GDF7: variants seen among roughly 807,000 people sequenced by gnomAD.
The protein encoded by GDF7 is growth/differentiation factor 7.
Under a neutral mutation model 13.4 loss-of-function variants are expected in GDF7, and 12 were observed. The observed-to-expected ratio is 0.90, with a 90% confidence interval of 0.57 to 1.45. The LOEUF is 1.45. Ranked by LOEUF, GDF7 falls within the 40% of genes most tolerant of loss-of-function variation. The pLI is 0.00. For synonymous variants in GDF7, 330 were observed against 306.4 expected, an observed-to-expected ratio of 1.08 and a Z score of -0.80; for missense variants, 651 against 652.4, an observed-to-expected ratio of 1.00 and a Z score of 0.02.
Position 20,677,157 on chromosome 2 carries a change from T to A in GDF7, c.*5732T>A, listed in dbSNP as rs1399445514. The A allele has an allele frequency of 6.6e-6, 1 of 152,258 alleles. No homozygotes were observed. Among genetic ancestry groups the A allele is most frequent in the African/African-American group, 2.4e-5 (1 of 41,476 alleles). 9.4% of individuals were successfully genotyped at this position (152,258 alleles called of 1,614,324 possible). A position where few individuals can be genotyped will look rare whatever the true frequency, so the allele number is the denominator to read the frequency against. ...ACAGTTTCACTCTTTTTTTGTCAGA[T>A]GAACTTCCTTCTGCTAGTTTAGAAA... On this transcript the variant is annotated 3_prime_UTR_variant, in exon 2 of 2. Transcript: ENST00000272224.
In GDF7 at chr2:20,670,995, C is replaced by G. The variant is rs1437223570; in HGVS notation, c.923C>G (p.Ala308Gly). Residue 308 changes from alanine (A) to glycine (G), a missense_variant, in exon 2 of 2, where the codon GCG (alanine) becomes GGG (glycine). Around this residue, in one of 4 missense-constraint regions of GDF7, gnomAD observed 487 missense variants for 445.9 expected, o/e 1.09. Transcript: ENST00000272224. ...CTGCCCGACCCAGGAACCGGCACCG[C>G]GTCGCCAAGGGCAGTCATTGGCGGC... ...EPLPDPGTGT[A>G]SPRAVIGGRR... 6.4e-7 allele frequency: 1 copy of G among 1,551,156 alleles called. No individual in the cohort carries two copies. Among genetic ancestry groups the G allele is most frequent in the South Asian group, 1.2e-5 (1 of 84,546 alleles).
chr2:20,670,515 T>C lies in GDF7; in HGVS notation c.443T>C (p.Leu148Pro). ...AGCTTCCTGTTCGACGTGTCCAGCC[T>C]TAACGACGCAGACGAGGTGGTGGGT... The part of the protein sequence containing the change: ...GQSFLFDVSS[L>P]NDADEVVGAE... Residue 148 changes from leucine to proline, a missense_variant, in exon 2 of 2, where the codon CTT (leucine) becomes CCT (proline). Coordinates refer to ENST00000272224, the MANE Select transcript of GDF7 (RefSeq NM_182828.4). The C allele has an allele frequency of 1.3e-6, 2 of 1,596,416 alleles. No homozygotes were observed. The highest frequency in any genetic ancestry group is 1.7e-6 in the Non-Finnish European group (2 of 1,172,748).
rs1180016521 is a variant in GDF7 at position 20,673,503 on chromosome 2, G to A, written c.*2078G>A. On this transcript the variant is annotated 3_prime_UTR_variant, in exon 2 of 2. Transcript: ENST00000272224. ...TATATATTAAAAAAAGCACTGAAGTGTTGAAAGTTGTAGTATTAGAAGGTT... is the reference window on the plus strand; with the variant it reads ...TATATATTAAAAAAAGCACTGAAGTATTGAAAGTTGTAGTATTAGAAGGTT... 7.9e-5 allele frequency: 12 copies of A among 152,192 alleles called. No homozygotes were observed. In the East Asian group the frequency reaches 9.6e-4, roughly 12 times the overall value. The allele number at this position is 152,192 out of a possible 1,614,324, so 9.4% of individuals were successfully genotyped here.
In GDF7 at chr2:20,675,035, C is replaced by G. The variant is rs78571053; in HGVS notation, c.*3610C>G. ...AATTACGTTCTTTCCAAGAGCAGCTCGTGCACAGATAAGGTCAGACTTTTC... is the reference window on the plus strand; with the variant it reads ...AATTACGTTCTTTCCAAGAGCAGCTGGTGCACAGATAAGGTCAGACTTTTC... On this transcript the variant is annotated 3_prime_UTR_variant, in exon 2 of 2. Coordinates refer to ENST00000272224, the MANE Select transcript of GDF7 (RefSeq NM_182828.4). 402 of 152,388 alleles carry G rather than the reference C, an allele frequency of 2.6e-3. 2 individuals are homozygous for G. The highest frequency in any genetic ancestry group is 9.2e-3 in the African/African-American group (382 of 41,588). 9.4% of individuals were successfully genotyped at this position (152,388 alleles called of 1,614,324 possible).
At chr2:20,669,610 T>C (rs982033127) in intron 1 of GDF7, among the ~76,000 whole-genome samples, 1 of 152,200 alleles carries the variant, frequency 6.6e-6, no homozygotes, top group African/African-American at 2.4e-5. Context: ...CATTCCGGGA[T>C]GCCCCGCACC....
In GDF7 at chr2:20,670,539, G is replaced by A; in HGVS notation, c.467G>A (p.Gly156Asp). The A allele has an allele frequency of 6.2e-7, 1 of 1,604,992 alleles. No homozygotes were observed. Among genetic ancestry groups the A allele is most frequent in the Non-Finnish European group, 8.5e-7 (1 of 1,176,952 alleles). The stretch of plus-strand genomic sequence containing the variant: ...CTTAACGACGCAGACGAGGTGGTGG[G>A]TGCCGAGCTGCGCGTGCTGCGCCGG... The part of the protein sequence containing the change: ...SSLNDADEVV[G>D]AELRVLRRGS... Residue 156 changes from glycine to aspartate, a missense_variant, in exon 2 of 2, where the codon GGT becomes GAT. By Grantham distance (94) the Gly-to-Asp change is moderately conservative. Around this residue, in one of 4 missense-constraint regions of GDF7, gnomAD observed 487 missense variants for 445.9 expected, o/e 1.09. Coordinates refer to ENST00000272224, the MANE Select transcript of GDF7 (RefSeq NM_182828.4).
In GDF7 at chr2:20,670,569, C is replaced by T. The variant is rs1474969175; in HGVS notation, c.497C>T (p.Ser166Phe). The stretch of plus-strand genomic sequence containing the variant: ...GAGCTGCGCGTGCTGCGCCGGGGAT[C>T]TCCAGAGTCGGGCCCAGGCAGCTGG... ...GAELRVLRRG[S>F]PESGPGSWTS... Residue 166 changes from serine (S) to phenylalanine (F), a missense_variant, in exon 2 of 2, where the codon TCT becomes TTT. This residue lies in a region of GDF7 where 487 missense variants were observed against 445.9 expected (regional missense o/e 1.09). Transcript: ENST00000272224. The T allele has an allele frequency of 1.2e-6, 2 of 1,606,528 alleles. No homozygotes were observed. The highest frequency in any genetic ancestry group is 1.7e-6 in the Non-Finnish European group (2 of 1,177,732).
At chr2:20,669,228 C>T (rs1662052511) in intron 1 of GDF7, among the ~76,000 whole-genome samples, 1 of 152,142 alleles carries the variant, frequency 6.6e-6, no homozygotes, top group Non-Finnish European at 1.5e-5. Context: ...TGGAACAGGG[C>T]TGCTTGAGGT....
Position 20,671,743 on chromosome 2 carries a change from A to G in GDF7, c.*318A>G. The G allele has an allele frequency of 3.4e-6, 1 of 291,224 alleles. No individual in the cohort carries two copies. Among genetic ancestry groups the G allele is most frequent in the Non-Finnish European group, 6.4e-6 (1 of 155,214 alleles). The allele number at this position is 291,224 out of a possible 1,614,324, so 18.0% of individuals were successfully genotyped here. On this transcript the variant is annotated 3_prime_UTR_variant, in exon 2 of 2. Transcript: ENST00000272224. ...AGGTGTTTGTGCTGATGTTGCAGTT[A>G]GAGGCACGAAAATCAGGTAGCAACA...
rs1001404446 is a variant in GDF7, at chr2:20,669,963, C to T, written c.392-501C>T. ...TCAGGAGACCAGAATTTTCCGTTTT[C>T]GCACAGCCAGGACTTTCGGCTCTCT... is the stretch of plus-strand genomic sequence containing the variant. On this transcript the variant is annotated intron_variant, in intron 1 of 1. Transcript: ENST00000272224. 8.5e-5 allele frequency among the ~76,000 whole-genome samples: 13 copies of T among 152,336 alleles called. No individual in the cohort carries two copies. In the East Asian group the frequency reaches 2.1e-3, roughly 25 times the overall value.
In GDF7 at chr2:20,678,741, A is replaced by G. The variant is rs953181413; in HGVS notation, c.*7316A>G. The G allele has an allele frequency of 1.3e-5, 2 of 152,260 alleles. No individual in the cohort carries two copies. The highest frequency in any genetic ancestry group is 3.8e-4 in the East Asian group (2 of 5,206). 9.4% of individuals were successfully genotyped at this position (152,260 alleles called of 1,614,324 possible). Reference sequence around the variant, plus strand: ...GCCATTTCCTCAGCAGCTAAAGACAAAAAGAATTATTTTGGTGAGGGGATA... The same window carrying G: ...GCCATTTCCTCAGCAGCTAAAGACAGAAAGAATTATTTTGGTGAGGGGATA... On this transcript the variant is annotated 3_prime_UTR_variant, in exon 2 of 2. Coordinates refer to ENST00000272224, the MANE Select transcript of GDF7 (RefSeq NM_182828.4).
rs115800200 is a variant in GDF7, at chr2:20,668,226, T to A, written c.391+596T>A. Among the ~76,000 whole-genome samples, 1,107 of 152,054 alleles carry A rather than the reference T, an allele frequency of 7.3e-3. 15 individuals carry two copies. The highest frequency in any genetic ancestry group is 0.026 in the African/African-American group (1,070 of 41,474). On this transcript the variant is annotated intron_variant, in intron 1 of 1. Transcript: ENST00000272224. ...CAGGTTGGTCTGGGTGGTGGTGGTT[T>A]GTGTGTGTGTGACATGTGCAGCTAT...
rs770614677 is a variant in GDF7 at position 20,677,966 on chromosome 2, GGCAGCAGCA to G, written c.*6553_*6561del. The G allele has an allele frequency of 6.5e-6, 1 of 153,896 alleles. No homozygotes were observed. The highest frequency in any genetic ancestry group is 1.4e-5 in the Non-Finnish European group (1 of 69,444). 9.5% of individuals were successfully genotyped at this position (153,896 alleles called of 1,614,324 possible). On this transcript the variant is annotated 3_prime_UTR_variant, in exon 2 of 2. Coordinates refer to ENST00000272224, the MANE Select transcript of GDF7 (RefSeq NM_182828.4). The stretch of plus-strand genomic sequence containing the variant: ...TGTCCTGGATCCTCCCCTGGCCTGG[GGCAGCAGCA>G]GCAGCAGCAGCTGGGCTTGGGGTGA...
intron 1 of GDF7, among the ~76,000 whole-genome samples, chr2:20,670,229 G>C (rs1204276755): frequency 6.6e-6 from 1 of 152,172 alleles, no homozygotes; most frequent in Non-Finnish European, 1.5e-5. Flanking sequence ...GGGACTTTTG[G>C]CTTGCTAAAC....
intron 1 of GDF7, among the ~76,000 whole-genome samples, chr2:20,669,155 A>G (rs1558361495): frequency 6.6e-6 from 1 of 152,146 alleles, no homozygotes; most frequent in Admixed American, 6.5e-5. Context: ...ATCTCAGAGA[A>G]AGTGCTCCTC....
chr2:20,677,211 A>G lies in GDF7; in HGVS notation c.*5786A>G, dbSNP rs572808193. 1 of 152,390 alleles carries G rather than the reference A, an allele frequency of 6.6e-6. No homozygotes were observed. The highest frequency in any genetic ancestry group is 1.5e-5 in the Non-Finnish European group (1 of 68,040). The allele number at this position is 152,390 out of a possible 1,614,324, so 9.4% of individuals were successfully genotyped here. ...TTCACTCCAGAGAGGGCCACCTGAT[A>G]GAAGCTGTATTACAGAAACTTTTAA... On this transcript the variant is annotated 3_prime_UTR_variant, in exon 2 of 2. Coordinates refer to ENST00000272224, the MANE Select transcript of GDF7 (RefSeq NM_182828.4).
rs1472372285 is a variant in GDF7 at position 20,671,788 on chromosome 2, G to T, written c.*363G>T. 3.8e-6 allele frequency: 1 copy of T among 260,982 alleles called. No individual in the cohort carries two copies. The highest frequency in any genetic ancestry group is 2.2e-5 in the African/African-American group (1 of 44,594). The allele number at this position is 260,982 out of a possible 1,614,324, so 16.2% of individuals were successfully genotyped here. A position where few individuals can be genotyped will look rare whatever the true frequency, so the allele number is the denominator to read the frequency against. ...GCAACAACGGGTTAGGAAATTCGAA[G>T]TTCCAGAATGGGAGAACCAAAGGGG... On this transcript the variant is annotated 3_prime_UTR_variant, in exon 2 of 2. Coordinates refer to ENST00000272224, the MANE Select transcript of GDF7 (RefSeq NM_182828.4).
In GDF7 at chr2:20,667,753, TAGAA is replaced by T. The variant is rs1208201403; in HGVS notation, c.391+129_391+132del. 23 of 700,430 alleles carry T rather than the reference TAGAA, an allele frequency of 3.3e-5. No individual in the cohort carries two copies. The highest frequency in any genetic ancestry group is 7.5e-5 in the African/African-American group (4 of 53,526). The allele number at this position is 700,430 out of a possible 1,614,324, so 43.4% of individuals were successfully genotyped here. ...CCCCATGCGGCCCACCCTCAGGTGA[TAGAA>T]AGAAACTTCGCCGAGGCCAACACTC... On this transcript the variant is annotated intron_variant, in intron 1 of 1. Coordinates refer to ENST00000272224, the MANE Select transcript of GDF7 (RefSeq NM_182828.4). The surrounding 1 kb of genome is among the most constrained non-coding windows in gnomAD (Gnocchi z 6.4).
In GDF7 at chr2:20,677,122, T is replaced by A. The variant is rs1422103630; in HGVS notation, c.*5697T>A. On this transcript the variant is annotated 3_prime_UTR_variant, in exon 2 of 2. Coordinates refer to ENST00000272224, the MANE Select transcript of GDF7 (RefSeq NM_182828.4). ...TTGGCAGGACAGCTTGGTGTGATGA[T>A]ACAAGAAGTACAGTTTCACTCTTTT... is the stretch of plus-strand genomic sequence containing the variant. 6.6e-6 allele frequency: 1 copy of A among 152,206 alleles called. No homozygotes were observed. The highest frequency in any genetic ancestry group is 6.5e-5 in the Admixed American group (1 of 15,278). 9.4% of individuals were successfully genotyped at this position (152,206 alleles called of 1,614,324 possible). A position where few individuals can be genotyped will look rare whatever the true frequency, so the allele number is the denominator to read the frequency against.
Sources: allele counts gnomAD v4.1 joint callset (sites outside exome capture counted in the v4.1 genomes callset), GRCh38; gene constraint gnomAD v4.1.1; regional missense constraint gnomAD v4.1.1; non-coding constraint Gnocchi (gnomAD v3.1); transcripts MANE v1.5; gene names NCBI Gene and HGNC (gene_info 2026-07-23, HGNC 2026-07-21).